Variants in TMEM54 observed in about 807,000 individuals in gnomAD.
The protein encoded by TMEM54 is transmembrane protein 54.
Under a neutral mutation model 21.3 loss-of-function variants are expected in TMEM54, and 21 were observed. That is an observed-to-expected ratio of 0.99 (90% CI 0.70 to 1.42). The LOEUF is 1.42. TMEM54 is among the 40% of genes most tolerant of loss of function. The probability of loss-of-function intolerance (pLI) is 0.00; values close to 1 mark genes in which losing one functional copy is unlikely to be tolerated. For missense variants in TMEM54, 246 were observed against 294.0 expected (o/e 0.84, Z 1.19); for synonymous variants, 109 against 125.0 (o/e 0.87, Z 0.86).
rs1641726685 is a variant in TMEM54 at position 32,901,379 on chromosome 1, C to T, written c.-141G>A. 1 of 800,924 alleles carries T rather than the reference C, an allele frequency of 1.2e-6. No individual in the cohort carries two copies. The highest frequency in any genetic ancestry group is 1.6e-6 in the Non-Finnish European group (1 of 627,108). The allele number at this position is 800,924 out of a possible 1,614,324, so 49.6% of individuals were successfully genotyped here. A position where few individuals can be genotyped will look rare whatever the true frequency, so the allele number is the denominator to read the frequency against. On this transcript the variant is annotated 5_prime_UTR_variant, in exon 1 of 6. Coordinates refer to ENST00000373463, the MANE Select transcript of TMEM54 (RefSeq NM_033504.4). This position sits in a 1 kb window ranked among gnomAD's most constrained non-coding sequence, Gnocchi z 4.2. ...GCTCGCCCACTTCCCGCCCGGAGCCCGGGGCTGGGCGGCGCCGGACCGGCC... is the reference window on the plus strand; with the variant it reads ...GCTCGCCCACTTCCCGCCCGGAGCCTGGGGCTGGGCGGCGCCGGACCGGCC...
chr1:32,895,900 C>T lies in TMEM54; in HGVS notation c.270+10G>A, dbSNP rs1037440557. On this transcript the variant is annotated intron_variant, in intron 3 of 5. Transcript: ENST00000373463. The surrounding 1 kb of genome is among the most constrained non-coding windows in gnomAD (Gnocchi z 5.8). Reference sequence around the variant, plus strand: ...TCCCTCACAGCCCCATCCCAGGAGGCACCACGTACCAGGGGGGTGCTAGGG... The same window carrying T: ...TCCCTCACAGCCCCATCCCAGGAGGTACCACGTACCAGGGGGGTGCTAGGG... 2 of 1,610,782 alleles carry T rather than the reference C, an allele frequency of 1.2e-6. No homozygotes were observed. The highest frequency in any genetic ancestry group is 2.7e-5 in the African/African-American group (2 of 74,894).
Position 32,901,100 on chromosome 1 carries a change from T to G in TMEM54, c.16+123A>C. 31 of 1,034,270 alleles carry G rather than the reference T, an allele frequency of 3.0e-5. No individual in the cohort carries two copies. Among genetic ancestry groups the G allele is most frequent in the South Asian group, 7.6e-5 (2 of 26,294 alleles). The allele number at this position is 1,034,270 out of a possible 1,614,324, so 64.1% of individuals were successfully genotyped here. ...GGAAAGTGACCCGACCCCGGCCTCGTAGTAAGTTAGAGGCAGAGCAGGTGG... is the reference window on the plus strand; with the variant it reads ...GGAAAGTGACCCGACCCCGGCCTCGGAGTAAGTTAGAGGCAGAGCAGGTGG... On this transcript the variant is annotated intron_variant, in intron 1 of 5. Transcript: ENST00000373463. The surrounding 1 kb of genome is among the most constrained non-coding windows in gnomAD (Gnocchi z 4.2).
rs201182293 is a variant in TMEM54, at chr1:32,895,404, C to A, written c.495G>T (p.Val165=). Residue 165 remains valine (V), a synonymous_variant, in exon 5 of 6, where the codon GTG becomes GTT. Transcript: ENST00000373463. This position sits in a 1 kb window ranked among gnomAD's most constrained non-coding sequence, Gnocchi z 5.8. ...SSLCLWGIAL[V]LCVAENVFAV... Reference sequence around the variant, plus strand: ...CAAACACGTTCTCCGCCACGCAGAGCACTAGGGCGATGCCCCAGAGGCACA... The same window carrying A: ...CAAACACGTTCTCCGCCACGCAGAGAACTAGGGCGATGCCCCAGAGGCACA... The A allele has an allele frequency of 6.2e-7, 1 of 1,613,682 alleles. No individual in the cohort carries two copies. Among genetic ancestry groups the A allele is most frequent in the Admixed American group, 1.7e-5 (1 of 59,986 alleles).
chr1:32,897,992 G>C lies in TMEM54; in HGVS notation c.210+134C>G. ...AAGAAGTTGAGTGACTTGGGCAGTTGGTAAGTGGCAGACAAAGGGTTAGTC... is the reference window on the plus strand; with the variant it reads ...AAGAAGTTGAGTGACTTGGGCAGTTCGTAAGTGGCAGACAAAGGGTTAGTC... On this transcript the variant is annotated intron_variant, in intron 2 of 5. Transcript: ENST00000373463. This position sits in a 1 kb window ranked among gnomAD's most constrained non-coding sequence, Gnocchi z 4.9. The C allele has an allele frequency of 1.3e-6, 1 of 763,880 alleles. No homozygotes were observed. Among genetic ancestry groups the C allele is most frequent in the African/African-American group, 1.7e-5 (1 of 57,434 alleles). 47.3% of individuals were successfully genotyped at this position (763,880 alleles called of 1,614,324 possible). A position where few individuals can be genotyped will look rare whatever the true frequency, so the allele number is the denominator to read the frequency against.
At chr1:32,900,384 T>G (rs1447933723) in intron 1 of TMEM54, among the ~76,000 whole-genome samples, 1 of 152,120 alleles carries the variant, frequency 6.6e-6, no homozygotes, top group Non-Finnish European at 1.5e-5. Context: ...GGCTAAATTT[T>G]TTTTTCTTTA....
chr1:32,894,750 G>T lies in TMEM54; in HGVS notation c.*55C>A. 1 of 1,584,382 alleles carries T rather than the reference G, an allele frequency of 6.3e-7. No homozygotes were observed. The highest frequency in any genetic ancestry group is 1.7e-5 in the Admixed American group (1 of 59,358). On this transcript the variant is annotated 3_prime_UTR_variant, in exon 6 of 6. Transcript: ENST00000373463. ...CCAGGAATCCTGGCCTGGTCACAGAGCAGAGTTGCTTGCAGGGTCCTAGTG... is the reference window on the plus strand; with the variant it reads ...CCAGGAATCCTGGCCTGGTCACAGATCAGAGTTGCTTGCAGGGTCCTAGTG...
At position 32,896,168 on chromosome 1, in the gene TMEM54, A is replaced by C; in HGVS notation, c.211-199T>G. The stretch of plus-strand genomic sequence containing the variant: ...TCCAGCCTGACATGATGTTTCTAAA[A>C]CAGTCACTCCCTCTCTACAACCTTC... On this transcript the variant is annotated intron_variant, in intron 2 of 5. Transcript: ENST00000373463. The surrounding 1 kb of genome is among the most constrained non-coding windows in gnomAD (Gnocchi z 4.1). 1 of 559,052 alleles carries C rather than the reference A, an allele frequency of 1.8e-6. No individual in the cohort carries two copies. Among genetic ancestry groups the C allele is most frequent in the Non-Finnish European group, 3.1e-6 (1 of 319,658 alleles). 34.6% of individuals were successfully genotyped at this position (559,052 alleles called of 1,614,324 possible). A position where few individuals can be genotyped will look rare whatever the true frequency, so the allele number is the denominator to read the frequency against.
chr1:32,898,150 G>T lies in TMEM54; in HGVS notation c.186C>A (p.Ile62=). 2 of 1,600,666 alleles carry T rather than the reference G, an allele frequency of 1.2e-6. No individual in the cohort carries two copies. Among genetic ancestry groups the T allele is most frequent in the South Asian group, 2.2e-5 (2 of 90,798 alleles). ...CCACGATGGCGGAAGTGACAGAGAGGATGTTGACCACGCAGTACTGCAGAG... is the reference window on the plus strand; with the variant it reads ...CCACGATGGCGGAAGTGACAGAGAGTATGTTGACCACGCAGTACTGCAGAG... ...AVALQYCVVN[I]LSVTSAIVVI... The change falls in exon 2 of 6, where the codon ATC becomes ATA. Residue 62 remains isoleucine (I), a synonymous_variant. Transcript: ENST00000373463.
At position 32,894,824 on chromosome 1, in the gene TMEM54, GAGCTGGTGCAGCTC is replaced by G. The variant is rs527445029; in HGVS notation, c.636_649del (p.Ser213Ter). ...CATCTCTCAGAGGGTCAGAGGCTCA[GAGCTGGTGCAGCTC>G]AGCAGGTCACGGCCCTCCACCAGCT... On this transcript the variant is annotated frameshift_variant, in exon 6 of 6. Coordinates refer to ENST00000373463, the MANE Select transcript of TMEM54 (RefSeq NM_033504.4). LOFTEE classifies it high-confidence loss of function. The G allele has an allele frequency of 2.4e-3, 3,916 of 1,611,776 alleles. 15 individuals are homozygous for G. The highest frequency in any genetic ancestry group is 3.0e-3 in the Non-Finnish European group (3,503 of 1,178,100).
Position 32,895,902 on chromosome 1 carries a change from C to T in TMEM54, c.270+8G>A, listed in dbSNP as rs367833681. On this transcript the variant is annotated splice_region_variant and intron_variant, in intron 3 of 5. Coordinates refer to ENST00000373463, the MANE Select transcript of TMEM54 (RefSeq NM_033504.4). The surrounding 1 kb of genome is among the most constrained non-coding windows in gnomAD (Gnocchi z 5.8). ...CCTCACAGCCCCATCCCAGGAGGCA[C>T]CACGTACCAGGGGGGTGCTAGGGAG... 17 of 1,611,526 alleles carry T rather than the reference C, an allele frequency of 1.1e-5. No homozygotes were observed. Among genetic ancestry groups the T allele is most frequent in the Middle Eastern group, 1.6e-4 (1 of 6,066 alleles).
At position 32,901,303 on chromosome 1, in the gene TMEM54, G is replaced by A. The variant is rs1373271601; in HGVS notation, c.-65C>T. The A allele has an allele frequency of 2.5e-5, 32 of 1,258,312 alleles. No homozygotes were observed. Among genetic ancestry groups the A allele is most frequent in the African/African-American group, 9.3e-5 (6 of 64,756 alleles). 77.9% of individuals were successfully genotyped at this position (1,258,312 alleles called of 1,614,324 possible). On this transcript the variant is annotated 5_prime_UTR_variant, in exon 1 of 6. Coordinates refer to ENST00000373463, the MANE Select transcript of TMEM54 (RefSeq NM_033504.4). This position sits in a 1 kb window ranked among gnomAD's most constrained non-coding sequence, Gnocchi z 4.2. Reference sequence around the variant, plus strand: ...CTCCCGAGGCTGCGGGCCGCCGGGGGACCCTGCTCCCATCCCGCTGGCCCG... The same window carrying A: ...CTCCCGAGGCTGCGGGCCGCCGGGGAACCCTGCTCCCATCCCGCTGGCCCG...
chr1:32,894,986 G>A (rs1641550544), intron 5 of TMEM54, 107 bp from the exon 6 acceptor site: 4 of 1,506,016 alleles, frequency 2.7e-6, no homozygotes, highest in Non-Finnish European at 3.6e-6. Context: ...GCTCTCTGGG[G>A]GCAAAGGGGC....
Position 32,901,166 on chromosome 1 carries a change from G to A in TMEM54, c.16+57C>T, listed in dbSNP as rs1283775913. 45 of 1,417,120 alleles carry A rather than the reference G, an allele frequency of 3.2e-5. 2 individuals carry two copies. The South Asian group carries it at 6.0e-4, about 19-fold the overall frequency. 87.8% of individuals were successfully genotyped at this position (1,417,120 alleles called of 1,614,324 possible). A position where few individuals can be genotyped will look rare whatever the true frequency, so the allele number is the denominator to read the frequency against. Reference sequence around the variant, plus strand: ...GCTCGGGTTCCGGGCTCAGTGCTCCGCTCCTGTGGGAGGGTTGGGGTGGTT... The same window carrying A: ...GCTCGGGTTCCGGGCTCAGTGCTCCACTCCTGTGGGAGGGTTGGGGTGGTT... On this transcript the variant is annotated intron_variant, in intron 1 of 5. Transcript: ENST00000373463. This position sits in a 1 kb window ranked among gnomAD's most constrained non-coding sequence, Gnocchi z 4.2.
intron 1 of TMEM54, 73 bp from the exon 2 acceptor site, chr1:32,898,392 G>T: frequency 7.0e-7 from 1 of 1,427,138 alleles, no homozygotes; most frequent in Non-Finnish European, 9.6e-7. Context: ...CTGAGGCCCT[G>T]GCCCTAGTGA....
Position 32,898,239 on chromosome 1 carries a change from TGAA to T in TMEM54, c.94_96del (p.Phe32del). 6.2e-7 allele frequency: 1 copy of T among 1,613,642 alleles called. No individual in the cohort carries two copies. ...GTGCCATGGAACAGGGCAGCTGTGA[TGAA>T]GCTCACATGGCCCAGCACCACCAGC... On this transcript the variant is annotated inframe_deletion, in exon 2 of 6. Coordinates refer to ENST00000373463, the MANE Select transcript of TMEM54 (RefSeq NM_033504.4).
chr1:32,900,078 C>A (rs549082572), intron 1 of TMEM54, among the ~76,000 whole-genome samples: 1 of 152,184 alleles, frequency 6.6e-6, no homozygotes, highest in African/African-American at 2.4e-5. Flanking sequence ...CACCTCACCC[C>A]CTCCACCCAC....
rs538893171 is a variant in TMEM54, at chr1:32,896,710, C to G, written c.211-741G>C. Among the ~76,000 whole-genome samples the G allele has an allele frequency of 1.3e-5, 2 of 152,386 alleles. No individual in the cohort carries two copies. Among genetic ancestry groups the G allele is most frequent in the African/African-American group, 4.8e-5 (2 of 41,606 alleles). ...GGGGTCCACCCAGCCAGCCTTCCTC[C>G]TGATGTTCCTCACTGGACCAGGCTT... On this transcript the variant is annotated intron_variant, in intron 2 of 5. Coordinates refer to ENST00000373463, the MANE Select transcript of TMEM54 (RefSeq NM_033504.4). The surrounding 1 kb of genome is among the most constrained non-coding windows in gnomAD (Gnocchi z 4.1).
In TMEM54 at chr1:32,901,297, C is replaced by T; in HGVS notation, c.-59G>A. On this transcript the variant is annotated 5_prime_UTR_variant, in exon 1 of 6. Coordinates refer to ENST00000373463, the MANE Select transcript of TMEM54 (RefSeq NM_033504.4). The surrounding 1 kb of genome is among the most constrained non-coding windows in gnomAD (Gnocchi z 4.2). Reference sequence around the variant, plus strand: ...GCGCGGCTCCCGAGGCTGCGGGCCGCCGGGGGACCCTGCTCCCATCCCGCT... The same window carrying T: ...GCGCGGCTCCCGAGGCTGCGGGCCGTCGGGGGACCCTGCTCCCATCCCGCT... 7.7e-7 allele frequency: 1 copy of T among 1,290,454 alleles called. No homozygotes were observed. The highest frequency in any genetic ancestry group is 1.5e-5 in the African/African-American group (1 of 65,838). The allele number at this position is 1,290,454 out of a possible 1,614,324, so 79.9% of individuals were successfully genotyped here.
In TMEM54 at chr1:32,895,623, A is replaced by C; in HGVS notation, c.391T>G (p.Cys131Gly). Residue 131 changes from cysteine to glycine, a missense_variant, in exon 4 of 6, where the codon TGC (cysteine) becomes GGC (glycine). Coordinates refer to ENST00000373463, the MANE Select transcript of TMEM54 (RefSeq NM_033504.4). The surrounding 1 kb of genome is among the most constrained non-coding windows in gnomAD (Gnocchi z 5.8). ...AGTAGTTCAGAGCTCCCAAAAGTGC[A>C]GGCAGCCAGCAGTGCCTTGCCCTGG... ...ATQGKALLAA[C>G]TFGSSELLAL... The C allele has an allele frequency of 6.4e-7, 1 of 1,572,320 alleles. No homozygotes were observed. The highest frequency in any genetic ancestry group is 8.6e-7 in the Non-Finnish European group (1 of 1,158,398).
Sources: allele counts gnomAD v4.1 joint callset (sites outside exome capture counted in the v4.1 genomes callset), GRCh38; gene constraint gnomAD v4.1.1; non-coding constraint Gnocchi (gnomAD v3.1); transcripts MANE v1.5; gene names NCBI Gene and HGNC (gene_info 2026-07-23, HGNC 2026-07-21).